DNAH5: variants seen among roughly 807,000 people sequenced by gnomAD.
DNAH5 encodes axonemal beta dynein heavy chain 5.
In DNAH5, 372 loss-of-function variants were observed where a neutral mutation model predicts 518.2. That is an observed-to-expected ratio of 0.72 (90% CI 0.66 to 0.78). The LOEUF is 0.78. DNAH5 is among the 30% of genes least tolerant of loss of function. The pLI is 0.00. For synonymous variants in DNAH5, 2,039 were observed against 2,025.9 expected, an observed-to-expected ratio of 1.01 and a Z score of -0.17; for missense variants, 5,523 against 5,687.0, an observed-to-expected ratio of 0.97 and a Z score of 0.93.
rs79729435 is a variant in DNAH5, at chr5:13,706,440, G to A, written c.13338+1683C>T. On this transcript the variant is annotated intron_variant, in intron 76 of 78. Coordinates refer to ENST00000265104, the MANE Select transcript of DNAH5 (RefSeq NM_001369.3). ...ACAATGGCAGGAGTCAGATGGAAAG[G>A]AAGCCATGGGGCAGATCCAGATTTT... Among the ~76,000 whole-genome samples the A allele has an allele frequency of 3.0e-3, 455 of 152,284 alleles. 4 individuals carry two copies. Among genetic ancestry groups the A allele is most frequent in the African/African-American group, 0.01 (430 of 41,560 alleles).
rs765591518 is a variant in DNAH5, at chr5:13,701,383, T to G, written c.13392A>C (p.Arg4464Ser). The change falls in exon 77 of 79, where the codon AGA (arginine) becomes AGC (serine). Residue 4464 changes from arginine to serine, a missense_variant. Around this residue, in one of 3 missense-constraint regions of DNAH5, gnomAD observed 387 missense variants for 430.0 expected, o/e 0.90. Transcript: ENST00000265104. Reference sequence around the variant, plus strand: ...AAACCCACGAGGTAAACTGGCTGTTTCTTTCTATAAGTTCAGTAAACCAGA... The same window carrying G: ...AAACCCACGAGGTAAACTGGCTGTTGCTTTCTATAAGTTCAGTAAACCAGA... ...LGFWFTELIE[R>S]NSQFTSWVFN... The G allele has an allele frequency of 6.2e-7, 1 of 1,614,070 alleles. No homozygotes were observed. The highest frequency in any genetic ancestry group is 1.1e-5 in the South Asian group (1 of 91,084).
rs376250319 is a variant in DNAH5, at chr5:13,786,260, G to A, written c.8739C>T (p.Phe2913=). 2 of 1,613,994 alleles carry A rather than the reference G, an allele frequency of 1.2e-6. No homozygotes were observed. The highest frequency in any genetic ancestry group is 1.7e-6 in the Non-Finnish European group (2 of 1,179,974). ...GGATGCTCTCATTATAGAGCTGCAG[G>A]AACATATTCAGACGCTCTTTTAGGT... ...FSHLKERLNM[F]LQLYNESIRG... is the part of the protein sequence containing the mutation. Residue 2913 remains phenylalanine (F), a synonymous_variant, in exon 52 of 79, where the codon TTC becomes TTT. Transcript: ENST00000265104.
At chr5:13,919,004 A>G (rs1776958145) in intron 7 of DNAH5, among the ~76,000 whole-genome samples, 172 bp downstream of exon 7, 1 of 152,210 alleles carries the variant, frequency 6.6e-6, no homozygotes, top group African/African-American at 2.4e-5. Context: ...CCTTTCATTC[A>G]AAGACTATTT....
chr5:13,793,073 G>A (rs553498190), intron 49 of DNAH5, among the ~76,000 whole-genome samples: 9 of 152,246 alleles, frequency 5.9e-5, no homozygotes, highest in South Asian at 2.1e-4. Flanking sequence ...ATTTCAGACC[G>A]TGTCCAATCT....
chr5:13,735,896 G>C lies in DNAH5; in HGVS notation c.11492C>G (p.Thr3831Ser), dbSNP rs111313832. Residue 3831 changes from threonine (T) to serine (S), a missense_variant, in exon 67 of 79, where the codon ACT (threonine) becomes AGT (serine). Thr to Ser is a moderately conservative substitution (Grantham distance 58, BLOSUM62 1). Transcript: ENST00000265104. The stretch of plus-strand genomic sequence containing the variant: ...CATCTCATTAACCAAGCGCATCTCA[G>C]TAATGAGGAAGTAGAGGATGCTGCC... ...TRGSILYFLI[T>S]EMRLVNEMYQ... 24 of 1,614,126 alleles carry C rather than the reference G, an allele frequency of 1.5e-5. No individual in the cohort carries two copies. The African/African-American group carries it at 3.1e-4, about 21-fold the overall frequency.
In DNAH5 at chr5:13,853,011, C is replaced by T. The variant is rs187917244; in HGVS notation, c.4951-2196G>A. Among the ~76,000 whole-genome samples the T allele has an allele frequency of 2.1e-3, 323 of 152,344 alleles. 2 individuals carry two copies. The highest frequency in any genetic ancestry group is 3.5e-3 in the Non-Finnish European group (240 of 68,028). On this transcript the variant is annotated intron_variant, in intron 30 of 78. Transcript: ENST00000265104. ...GCAGCAGATCTCCCAGCACAGGGCT[C>T]GAGCTCTGCTAAGGGACAGACTGCC...
At chr5:13,778,706 G>T (rs1193695061) in intron 53 of DNAH5, among the ~76,000 whole-genome samples, 1 of 152,192 alleles carries the variant, frequency 6.6e-6, no homozygotes, top group Admixed American at 6.5e-5. Flanking sequence ...AGGGCCCATT[G>T]CCTCAAATAA....
At chr5:13,937,520 G>C (rs946066454) in intron 1 of DNAH5, among the ~76,000 whole-genome samples, 1 of 147,354 alleles carries the variant, frequency 6.8e-6, no homozygotes, top group Admixed American at 6.8e-5. Flanking sequence ...TGGGTAGTCA[G>C]TAGGTGATGC....
chr5:13,811,603 T>C, intron 44 of DNAH5, 44 bp downstream of exon 44: 1 of 1,573,348 alleles, frequency 6.4e-7, no homozygotes. Context: ...GCAGCATGGC[T>C]AAGTTGATAA....
intron 75 of DNAH5, among the ~76,000 whole-genome samples, chr5:13,711,224 A>G (rs1289352383): frequency 6.6e-6 from 1 of 152,244 alleles, no homozygotes; most frequent in African/African-American, 2.4e-5. Flanking sequence ...TACGCAAGTC[A>G]ATAAATGTGA....
chr5:13,900,241 G>A lies in DNAH5; in HGVS notation c.2224C>T (p.Arg742Ter), dbSNP rs776686983. 21 of 1,613,930 alleles carry A rather than the reference G, an allele frequency of 1.3e-5. No homozygotes were observed. The highest frequency in any genetic ancestry group is 2.2e-5 in the South Asian group (2 of 91,076). Residue 742 changes from arginine to a stop codon, truncating the protein, a stop_gained, in exon 15 of 79, where the codon CGA (arginine) becomes TGA (stop). Coordinates refer to ENST00000265104, the MANE Select transcript of DNAH5 (RefSeq NM_001369.3). LOFTEE classifies it high-confidence loss of function. ...CTGAAGTTCCTTTTGTATCTATCTCGTTTCTGGAAGAGGGAAGTTGCCAGT... is the reference window on the plus strand; with the variant it reads ...CTGAAGTTCCTTTTGTATCTATCTCATTTCTGGAAGAGGGAAGTTGCCAGT... ...SPLATSLFQK[R>*]DRYKRNFSNM... is the part of the protein sequence containing the mutation.
Position 13,839,395 on chromosome 5 carries a change from C to A in DNAH5, c.5843G>T (p.Gly1948Val). 6.2e-7 allele frequency: 1 copy of A among 1,614,056 alleles called. No homozygotes were observed. Among genetic ancestry groups the A allele is most frequent in the Non-Finnish European group, 8.5e-7 (1 of 1,179,970 alleles). ...VAFIYQNEFL[G>V]CTDRLVITPL... The stretch of plus-strand genomic sequence containing the variant: ...AGTTATTACAAGCCTGTCAGTGCAG[C>A]CTAAAAATTCATTCTGGTATATGAA... The change falls in exon 35 of 79, where the codon GGC (glycine) becomes GTC (valine). Residue 1948 changes from glycine to valine, a missense_variant. Around this residue, in one of 3 missense-constraint regions of DNAH5, gnomAD observed 5,121 missense variants for 5,223.3 expected, o/e 0.98. Transcript: ENST00000265104.
rs200608915 is a variant in DNAH5 at position 13,866,286 on chromosome 5, A to G, written c.4054-4T>C. The G allele has an allele frequency of 2.7e-5, 43 of 1,612,444 alleles. No individual in the cohort carries two copies. In the East Asian group the frequency reaches 7.8e-4, roughly 29 times the overall value. On this transcript the variant is annotated splice_region_variant and splice_polypyrimidine_tract_variant and intron_variant, in intron 25 of 78. Coordinates refer to ENST00000265104, the MANE Select transcript of DNAH5 (RefSeq NM_001369.3). ...AGCCGCTAGCCATTGGACCATTCTG[A>G]ACAAAAAGTAAAAAAAGAAAAATAG...
At chr5:13,935,647 C>T (rs1459843149) in intron 1 of DNAH5, among the ~76,000 whole-genome samples, 2 of 152,172 alleles carry the variant, frequency 1.3e-5, no homozygotes, top group African/African-American at 2.4e-5. Context: ...ACTGAAATTG[C>T]TTTTTAACTA....
chr5:13,890,272 C>T (rs1314091963), intron 17 of DNAH5, among the ~76,000 whole-genome samples: 1 of 151,970 alleles, frequency 6.6e-6, no homozygotes, highest in East Asian at 1.9e-4. Context: ...GCAGGCGTGG[C>T]AGCGTGTGCC....
At chr5:13,874,548 C>T (rs908504421) in intron 22 of DNAH5, among the ~76,000 whole-genome samples, 4 of 152,050 alleles carry the variant, frequency 2.6e-5, no homozygotes, top group South Asian at 2.1e-4. Context: ...GACAAAGTCC[C>T]GCTCTGTCAC....
intron 10 of DNAH5, among the ~76,000 whole-genome samples, chr5:13,914,291 G>T (rs189941336): frequency 2.6e-5 from 4 of 152,048 alleles, no homozygotes; most frequent in African/African-American, 9.6e-5. Context: ...AGCTGTCTTT[G>T]TATCTCTAGT....
intron 6 of DNAH5, 118 bp downstream of exon 6, chr5:13,920,362 C>T (rs1487424902): frequency 3.6e-6 from 5 of 1,394,730 alleles, no homozygotes; most frequent in Non-Finnish European, 5.1e-6. Context: ...CTCTCACCTC[C>T]TCAAGGATTT....
In DNAH5 at chr5:13,816,198, G is replaced by T. The variant is rs370529799; in HGVS notation, c.6988+1350C>A. On this transcript the variant is annotated intron_variant, in intron 42 of 78. Transcript: ENST00000265104. ...GATACAGCAATTTCAGAGGAACACT[G>T]GGCAAAAAACTTGACAGCAGTCATA... Among the ~76,000 whole-genome samples the T allele has an allele frequency of 1.5e-3, 226 of 152,262 alleles. 1 individual carries two copies. Among genetic ancestry groups the T allele is most frequent in the African/African-American group, 5.0e-3 (206 of 41,568 alleles).
Sources: allele counts gnomAD v4.1 joint callset (sites outside exome capture counted in the v4.1 genomes callset), GRCh38; gene constraint gnomAD v4.1.1; regional missense constraint gnomAD v4.1.1; transcripts MANE v1.5; gene names NCBI Gene and HGNC (gene_info 2026-07-23, HGNC 2026-07-21).